The following RAB2A variants were observed in gnomAD, a reference collection of about 807,000 sequenced individuals.
RAB2A encodes the protein ras-related protein Rab-2A.
A neutral mutation model predicts 32.5 loss-of-function variants in RAB2A; 7 were observed. The observed-to-expected ratio is 0.22, with a 90% confidence interval of 0.12 to 0.40. RAB2A has a LOEUF of 0.40. Ranked by LOEUF, RAB2A falls within the 10% of genes least tolerant of loss-of-function variation. RAB2A has a pLI of 1.00. For missense variants in RAB2A, 108 were observed against 260.7 expected (o/e 0.41, Z 4.03); for synonymous variants, 79 against 85.2 (o/e 0.93, Z 0.40).
rs373290451 is a variant in RAB2A, at chr8:60,521,827, G to C, written c.46+4574G>C. 7.2e-5 allele frequency among the ~76,000 whole-genome samples: 11 copies of C among 152,304 alleles called. No individual in the cohort carries two copies. The South Asian group carries it at 2.1e-3, about 29-fold the overall frequency. On this transcript the variant is annotated intron_variant, in intron 1 of 7. Transcript: ENST00000262646. ...GTAGAGATGGAGTTTTGCCATGTTGGTCTGACTGGGTCTCGAACTCCTGAC... is the reference window on the plus strand; with the variant it reads ...GTAGAGATGGAGTTTTGCCATGTTGCTCTGACTGGGTCTCGAACTCCTGAC...
intron 1 of RAB2A, among the ~76,000 whole-genome samples, chr8:60,542,526 A>C (rs1807662836): frequency 6.6e-6 from 1 of 152,022 alleles, no homozygotes; most frequent in Non-Finnish European, 1.5e-5. Flanking sequence ...AAAAAAAGAA[A>C]GAACACTTAA....
chr8:60,566,280 CTCAT>C (rs777327703), intron 2 of RAB2A, among the ~76,000 whole-genome samples: 6 of 152,300 alleles, frequency 3.9e-5, no homozygotes, highest in South Asian at 2.1e-4. Context: ...TCTACTGCAG[CTCAT>C]TCAGTTTTTA....
At position 60,517,081 on chromosome 8, in the gene RAB2A, A is replaced by G; in HGVS notation, c.-127A>G. 1.0e-6 allele frequency: 1 copy of G among 998,854 alleles called. No individual in the cohort carries two copies. 61.9% of individuals were successfully genotyped at this position (998,854 alleles called of 1,614,324 possible). On this transcript the variant is annotated 5_prime_UTR_variant, in exon 1 of 8. Coordinates refer to ENST00000262646, the MANE Select transcript of RAB2A (RefSeq NM_002865.3). Reference sequence around the variant, plus strand: ...CACAGCCCCTCACTCCCGGCGGCTGACAGCAGCAGCGGCGGCGGCGGGCGG... The same window carrying G: ...CACAGCCCCTCACTCCCGGCGGCTGGCAGCAGCAGCGGCGGCGGCGGGCGG...
In RAB2A at chr8:60,584,210, A is replaced by G; in HGVS notation, c.189A>G (p.Ala63=). 1 of 1,600,676 alleles carries G rather than the reference A, an allele frequency of 6.2e-7. No homozygotes were observed. Among genetic ancestry groups the G allele is most frequent in the East Asian group, 2.2e-5 (1 of 44,788 alleles). Residue 63 remains alanine (A), a splice_region_variant and synonymous_variant, in exon 4 of 8, where the codon GCA becomes GCG. Transcript: ENST00000262646. ...KQIKLQIWDT[A]GQESFRSITR... ...TCCAACCTTTTTTTTCGTTACAGGC[A>G]GGGCAAGAATCCTTTCGTTCCATCA...
chr8:60,610,165 A>C (rs576899530), intron 6 of RAB2A, among the ~76,000 whole-genome samples: 12 of 152,210 alleles, frequency 7.9e-5, no homozygotes, highest in African/African-American at 2.9e-4. Flanking sequence ...TATGCTACTG[A>C]AGTACTAGAT....
chr8:60,549,044 C>CG (rs976699528), intron 1 of RAB2A, among the ~76,000 whole-genome samples: 7 of 150,396 alleles, frequency 4.7e-5, no homozygotes, highest in Non-Finnish European at 1.0e-4. Flanking sequence ...AGACGATGGG[C>CG]GGCCGGGCAG....
chr8:60,563,752 A>G (rs79780456), intron 2 of RAB2A, among the ~76,000 whole-genome samples: 1,675 of 152,220 alleles, frequency 0.011, 21 homozygotes, highest in African/African-American at 0.036. Context: ...AATTACTAAC[A>G]ATTTTTTTAC....
chr8:60,601,439 G>A (rs566142404), intron 6 of RAB2A, among the ~76,000 whole-genome samples: 2 of 152,222 alleles, frequency 1.3e-5, no homozygotes, highest in South Asian at 4.1e-4. Flanking sequence ...CCAGGTTCAG[G>A]CACTTCTCCC....
chr8:60,613,359 G>A (rs375140066), intron 6 of RAB2A, among the ~76,000 whole-genome samples: 9 of 152,086 alleles, frequency 5.9e-5, no homozygotes, highest in Non-Finnish European at 1.2e-4. Context: ...TGTCAAGCAC[G>A]GTTTTCAGTG....
intron 2 of RAB2A, chr8:60,559,312 G>A (rs1184350967): frequency 4.5e-5 from 9 of 198,028 alleles, no homozygotes; most frequent in East Asian, 1.4e-4. Flanking sequence ...TTCTCTTTCT[G>A]TTCAATGAGA....
chr8:60,606,841 G>A (rs1290577540), intron 6 of RAB2A, among the ~76,000 whole-genome samples: 2 of 152,358 alleles, frequency 1.3e-5, no homozygotes. Flanking sequence ...TGGTGGGGCC[G>A]TGGCCTGACC....
intron 1 of RAB2A, among the ~76,000 whole-genome samples, chr8:60,528,342 A>G (rs879677621): frequency 6.6e-6 from 1 of 152,252 alleles, no homozygotes; most frequent in Non-Finnish European, 1.5e-5. Flanking sequence ...TGAATAACAA[A>G]TGATTATATC....
In RAB2A at chr8:60,622,381, G is replaced by A. The variant is rs772711703; in HGVS notation, c.*1612G>A. 3 of 152,208 alleles carry A rather than the reference G, an allele frequency of 2.0e-5. No individual in the cohort carries two copies. The highest frequency in any genetic ancestry group is 2.9e-5 in the Non-Finnish European group (2 of 68,034). 9.4% of individuals were successfully genotyped at this position (152,208 alleles called of 1,614,324 possible). Reference sequence around the variant, plus strand: ...CTCTTGTGGGAAATCACCAAATGCTGTCATAGTTTTGTTTTAACTGTCTCC... The same window carrying A: ...CTCTTGTGGGAAATCACCAAATGCTATCATAGTTTTGTTTTAACTGTCTCC... On this transcript the variant is annotated 3_prime_UTR_variant, in exon 8 of 8. Transcript: ENST00000262646.
intron 6 of RAB2A, among the ~76,000 whole-genome samples, chr8:60,606,973 G>A (rs887052477): frequency 1.3e-5 from 2 of 152,130 alleles, no homozygotes; most frequent in African/African-American, 2.4e-5. Context: ...AACATACCAT[G>A]GACTGATGTC....
chr8:60,523,357 C>T (rs891218131), intron 1 of RAB2A, among the ~76,000 whole-genome samples: 1 of 151,230 alleles, frequency 6.6e-6, no homozygotes, highest in Non-Finnish European at 1.5e-5. Context: ...CGGGCTTTCA[C>T]TGTGTTAGCC....
intron 6 of RAB2A, among the ~76,000 whole-genome samples, chr8:60,593,045 T>C (rs1803967864): frequency 6.6e-6 from 1 of 152,232 alleles, no homozygotes; most frequent in Non-Finnish European, 1.5e-5. Flanking sequence ...TTAAGAATGA[T>C]ACTTGGAGCT....
chr8:60,584,732 A>G lies in RAB2A; in HGVS notation c.279A>G (p.Thr93=). The change falls in exon 5 of 8, where the codon ACA becomes ACG. Residue 93 remains threonine, a synonymous_variant. Transcript: ENST00000262646. ...TATTATTTATGTTTAGGAGAGATAC[A>G]TTCAACCACTTGACAACCTGGTTAG... The part of the protein sequence containing the change: ...LLVYDITRRD[T]FNHLTTWLED... 1 of 1,610,926 alleles carries G rather than the reference A, an allele frequency of 6.2e-7. No individual in the cohort carries two copies. The highest frequency in any genetic ancestry group is 2.2e-5 in the East Asian group (1 of 44,790).
chr8:60,554,064 T>C (rs990547053), intron 1 of RAB2A, among the ~76,000 whole-genome samples: 1 of 152,242 alleles, frequency 6.6e-6, no homozygotes, highest in East Asian at 1.9e-4. Flanking sequence ...GTAATAATTT[T>C]CAGCTCAAAA....
chr8:60,588,319 G>A (rs1021319637), intron 5 of RAB2A, among the ~76,000 whole-genome samples: 1 of 152,018 alleles, frequency 6.6e-6, no homozygotes, highest in African/African-American at 2.4e-5. Context: ...ATATTTCCTA[G>A]CCACTTTACT....
Sources: gnomAD v4.1 joint callset for allele counts (sites outside exome capture counted in the v4.1 genomes callset) on GRCh38, gnomAD v4.1.1 for gene constraint, MANE v1.5 for transcripts, NCBI Gene and HGNC (gene_info 2026-07-23, HGNC 2026-07-21) for gene names.